The following ROBO2 variants were observed in gnomAD, a reference collection of about 807,000 sequenced individuals.
ROBO2 encodes the protein roundabout homolog 2.
In ROBO2, 53 loss-of-function variants were observed where a neutral mutation model predicts 160.8. The ratio of observed to expected loss-of-function variants is 0.33; its 90% CI spans 0.26 to 0.41. The LOEUF (loss-of-function observed/expected upper bound fraction) is 0.41. Ranked by LOEUF, ROBO2 falls within the 10% of genes least tolerant of loss-of-function variation. The pLI, the probability that ROBO2 is intolerant of heterozygous loss-of-function variation, is 1.00. For synonymous variants in ROBO2, 664 were observed against 611.7 expected (o/e 1.09, Z -1.26); for missense variants, 1,577 against 1,722.4 (o/e 0.92, Z 1.49).
At position 75,955,902 on chromosome 3, in the gene ROBO2, A is replaced by C. The variant is rs1290020951; in HGVS notation, c.109+18300A>C. ...TTTGGAAATGCTTTTATTTATATATAAAATAGGCTATAACTTCATATAGTT... is the reference window on the plus strand; with the variant it reads ...TTTGGAAATGCTTTTATTTATATATCAAATAGGCTATAACTTCATATAGTT... On this transcript the variant is annotated intron_variant, in intron 2 of 26. Transcript: ENST00000487694. Among the ~76,000 whole-genome samples the C allele has an allele frequency of 2.0e-5, 3 of 151,782 alleles. No individual in the cohort carries two copies. In the South Asian group the frequency reaches 6.2e-4, roughly 31 times the overall value.
In ROBO2 at chr3:77,124,834, T is replaced by G. The variant is rs181621597; in HGVS notation, c.388+26494T>G. On this transcript the variant is annotated intron_variant, in intron 2 of 25. Transcript: ENST00000461745. The stretch of plus-strand genomic sequence containing the variant: ...CAAGGTCTTACCCTCTCTTCCTCCC[T>G]CCCTTCTTCCCTTTACCTTTTCTCT... Among the ~76,000 whole-genome samples, 882 of 152,154 alleles carry G rather than the reference T, an allele frequency of 5.8e-3. 5 individuals are homozygous for G. The highest frequency in any genetic ancestry group is 0.01 in the Middle Eastern group (3 of 294).
chr3:77,438,555 C>T (rs967488092), intron 2 of ROBO2, among the ~76,000 whole-genome samples: 3 of 151,504 alleles, frequency 2.0e-5, no homozygotes, highest in Non-Finnish European at 4.4e-5. Flanking sequence ...CACACACACA[C>T]ACACACACAC....
chr3:76,297,493 CAG>C (rs1709132415), intron 2 of ROBO2, among the ~76,000 whole-genome samples: 2 of 151,996 alleles, frequency 1.3e-5, no homozygotes, highest in South Asian at 4.1e-4. Flanking sequence ...TATGTTTTAG[CAG>C]AGTTTCTCAT....
chr3:76,247,286 A>G (rs897318279), intron 2 of ROBO2, among the ~76,000 whole-genome samples: 3 of 152,110 alleles, frequency 2.0e-5, no homozygotes, highest in African/African-American at 7.2e-5. Context: ...GCTCCAATCA[A>G]AAAGTCTCCA....
chr3:77,580,045 A>C, exon 16 of ROBO2: 1 of 1,613,890 alleles, frequency 6.2e-7, no homozygotes, highest in Non-Finnish European at 8.5e-7. Context: ...CAGGTATTCA[A>C]TACCGGGTAG....
chr3:76,825,700 T>A (rs1038502113), intron 2 of ROBO2, among the ~76,000 whole-genome samples: 4 of 147,948 alleles, frequency 2.7e-5, no homozygotes, highest in African/African-American at 5.0e-5. Context: ...CCTGCGACCA[T>A]CTCCTCAATG....
chr3:75,994,360 C>T (rs1393091556), intron 2 of ROBO2, among the ~76,000 whole-genome samples: 1 of 152,148 alleles, frequency 6.6e-6, no homozygotes, highest in African/African-American at 2.4e-5. Flanking sequence ...CAAATGTCAA[C>T]TTGTATTTTA....
intron 2 of ROBO2, among the ~76,000 whole-genome samples, chr3:76,764,202 G>A (rs752735123): frequency 2.0e-5 from 3 of 151,606 alleles, no homozygotes; most frequent in Admixed American, 6.6e-5. Context: ...GTATGTAAAT[G>A]CAAATACTGA....
At chr3:75,928,775 G>A (rs1233349430) in intron 1 of ROBO2, among the ~76,000 whole-genome samples, 9 of 152,154 alleles carry the variant, frequency 5.9e-5, no homozygotes, top group Admixed American at 5.9e-4. Context: ...TAAGACGTGT[G>A]TGTGTGTGTG....
intron 2 of ROBO2, among the ~76,000 whole-genome samples, chr3:76,447,262 A>T (rs1398758859): frequency 6.6e-6 from 1 of 152,228 alleles, no homozygotes; most frequent in African/African-American, 2.4e-5. Context: ...AAAAGAAGAC[A>T]TTTATGCAGC....
chr3:76,627,302 C>A (rs895155181), intron 2 of ROBO2, among the ~76,000 whole-genome samples: 1 of 152,174 alleles, frequency 6.6e-6, no homozygotes, highest in Non-Finnish European at 1.5e-5. Flanking sequence ...AGTATGAAAT[C>A]TTCATTTGAG....
At chr3:77,253,717 G>A (rs1156647192) in intron 2 of ROBO2, among the ~76,000 whole-genome samples, 1 of 152,088 alleles carries the variant, frequency 6.6e-6, no homozygotes, top group Non-Finnish European at 1.5e-5. Context: ...GCATATTCTT[G>A]TGTTCTAAAT....
chr3:77,037,698 T>C (rs913526303), upstream of ROBO2, among the ~76,000 whole-genome samples: 1 of 152,170 alleles, frequency 6.6e-6, no homozygotes, highest in African/African-American at 2.4e-5. Flanking sequence ...TATAGTTTAC[T>C]TAAGGAAAGG....
At chr3:76,434,914 C>T in intron 2 of ROBO2, 1 of 1,600,604 alleles carries the variant, frequency 6.2e-7, no homozygotes, top group South Asian at 1.1e-5. Context: ...GCACCTAAAC[C>T]CCAAACCAGC....
At chr3:76,027,124 A>G (rs943718569) in intron 2 of ROBO2, among the ~76,000 whole-genome samples, 1 of 151,906 alleles carries the variant, frequency 6.6e-6, no homozygotes, top group Non-Finnish European at 1.5e-5. Flanking sequence ...TTTCTTCTTC[A>G]TGTCACATTT....
chr3:76,472,433 T>TA (rs543017015), intron 2 of ROBO2, among the ~76,000 whole-genome samples: 2,149 of 152,192 alleles, frequency 0.014, 24 homozygotes, highest in Non-Finnish European at 0.02. Context: ...AGAAATTTGT[T>TA]ACGCAAAGGA....
At chr3:77,601,628 A>T (rs2094432224) in intron 19 of ROBO2, among the ~76,000 whole-genome samples, 1 of 152,214 alleles carries the variant, frequency 6.6e-6, no homozygotes. Flanking sequence ...ATATTGTGAA[A>T]ATGGCTTACA....
chr3:77,471,651 A>C (rs2083360302), intron 2 of ROBO2, among the ~76,000 whole-genome samples: 1 of 152,236 alleles, frequency 6.6e-6, no homozygotes, highest in African/African-American at 2.4e-5. Context: ...CTGACAATAG[A>C]CATATTAACA....
At chr3:76,097,133 G>A (rs897223193) in intron 2 of ROBO2, among the ~76,000 whole-genome samples, 15 of 152,160 alleles carry the variant, frequency 9.9e-5, no homozygotes, top group South Asian at 2.1e-4. Context: ...TCAATATGTC[G>A]TGGGAATGCC....
Sources: allele counts gnomAD v4.1 joint callset (sites outside exome capture counted in the v4.1 genomes callset), GRCh38; gene constraint gnomAD v4.1.1; transcripts MANE v1.5; gene names NCBI Gene and HGNC (gene_info 2026-07-23, HGNC 2026-07-21).